ASMT: variants seen among roughly 807,000 people sequenced by gnomAD.
ASMT encodes the protein acetylserotonin O-methyltransferase.
A neutral mutation model predicts 41.3 loss-of-function variants in ASMT; 53 were observed. The ratio of observed to expected loss-of-function variants is 1.28; its 90% confidence interval spans 1.03 to 1.61. The LOEUF is 1.61. Among genes scored for constraint, ASMT ranks in the 40% most tolerant of loss-of-function variants. ASMT has a pLI of 0.00. For synonymous variants in ASMT, 231 were observed against 184.8 expected (o/e 1.25, Z -2.03); for missense variants, 531 against 441.3 (o/e 1.20, Z -1.82).
At chrX:1,620,314 G>A (rs1303046275) in intron 1 of ASMT, among the ~76,000 whole-genome samples, 1 of 150,950 alleles carries the variant, frequency 6.6e-6, no homozygotes, top group Non-Finnish European at 1.5e-5. Flanking sequence ...TGGGATTACA[G>A]GCGTGCACCA....
intron 7 of ASMT, 196 bp from the exon 8 acceptor site, chrX:1,636,242 C>A (rs1490958095): frequency 7.6e-6 from 6 of 791,102 alleles, no homozygotes; most frequent in Middle Eastern, 3.4e-4. Flanking sequence ...CAGGCGTGAG[C>A]CACCGCGCCC....
At chrX:1,631,597 T>C (rs769369999) in intron 5 of ASMT, among the ~76,000 whole-genome samples, 2 of 152,164 alleles carry the variant, frequency 1.3e-5, no homozygotes, top group South Asian at 2.1e-4. Flanking sequence ...TCCCCCTGCC[T>C]GGGGAGCAGC....
intron 7 of ASMT, among the ~76,000 whole-genome samples, chrX:1,635,547 G>C (rs1934926936): frequency 6.6e-6 from 1 of 152,056 alleles, no homozygotes; most frequent in Non-Finnish European, 1.5e-5. Context: ...TGCTTTTGCA[G>C]GGGACATCAG....
At position 1,632,778 on chromosome X, in the gene ASMT, T is replaced by G. The variant is rs1479181945; in HGVS notation, c.637T>G (p.Ser213Ala). The change falls in exon 6 of 9, where the codon TCA becomes GCA. Residue 213 changes from serine (S) to alanine (A), a missense_variant. Physicochemically the swap from Ser to Ala is moderately conservative, Grantham distance 99. Coordinates refer to ENST00000381241, the MANE Select transcript of ASMT (RefSeq NM_001171038.2). Reference protein sequence around the residue: ...QGQKTKHRVFSLIGGAGALAK... With the variant: ...QGQKTKHRVFALIGGAGALAK... ...ACAGAAAACCAAACACCGCGTGTTCTCACTCATAGGTGGGAACTGAACAAT... is the reference window on the plus strand; with the variant it reads ...ACAGAAAACCAAACACCGCGTGTTCGCACTCATAGGTGGGAACTGAACAAT... 2.7e-6 allele frequency: 1 copy of G among 375,784 alleles called. No homozygotes were observed. The highest frequency in any genetic ancestry group is 5.0e-6 in the Non-Finnish European group (1 of 199,728). The allele number at this position is 375,784 out of a possible 1,614,324, so 23.3% of individuals were successfully genotyped here. A position where few individuals can be genotyped will look rare whatever the true frequency, so the allele number is the denominator to read the frequency against.
chrX:1,629,326 G>C (rs375985006), intron 4 of ASMT, among the ~76,000 whole-genome samples: 6 of 152,066 alleles, frequency 3.9e-5, no homozygotes, highest in South Asian at 2.1e-4. Context: ...GGGAGCTGTG[G>C]GGGGGGAGGA....
At chrX:1,636,028 T>C (rs1232568186) in intron 7 of ASMT, among the ~76,000 whole-genome samples, 2 of 149,606 alleles carry the variant, frequency 1.3e-5, no homozygotes, top group Admixed American at 1.3e-4. Context: ...CAATCTCGGC[T>C]CACTGCAAGC....
rs1352993394 is a variant in ASMT, at chrX:1,629,912, G to C, written c.535G>C (p.Val179Leu). 1.9e-6 allele frequency: 3 copies of C among 1,613,864 alleles called. No homozygotes were observed. Among genetic ancestry groups the C allele is most frequent in the Admixed American group, 1.7e-5 (1 of 59,982 alleles). Residue 179 changes from valine (V) to leucine (L), a missense_variant, in exon 5 of 9, where the codon GTG becomes CTG. By Grantham distance (32) the Val-to-Leu change is conservative (BLOSUM62 1). Transcript: ENST00000381241. Reference sequence around the variant, plus strand: ...CGTGCTGACCGCCTTTGACCTGTCAGTGTTCCCACTTATGTGTGACCTTGG... The same window carrying C: ...CGTGCTGACCGCCTTTGACCTGTCACTGTTCCCACTTATGTGTGACCTTGG... ...RSVLTAFDLSVFPLMCDLGGT... is the reference protein window; with the variant it reads ...RSVLTAFDLSLFPLMCDLGGT...
At chrX:1,624,973 G>A (rs1483322870) in intron 3 of ASMT, among the ~76,000 whole-genome samples, 1 of 152,150 alleles carries the variant, frequency 6.6e-6, no homozygotes, top group Non-Finnish European at 1.5e-5. Context: ...GCTGACCCCA[G>A]GCAGATGCTG....
Position 1,627,752 on chromosome X carries a change from C to G in ASMT, c.424C>G (p.Leu142Val), listed in dbSNP as rs1441681742. Residue 142 changes from leucine to valine, a missense_variant, in exon 4 of 9, where the codon CTT becomes GTT. By Grantham distance (32) the Leu-to-Val change is conservative (BLOSUM62 1). Coordinates refer to ENST00000381241, the MANE Select transcript of ASMT (RefSeq NM_001171038.2). ...GACGTTTGGCGTTCCCGCTGAAGAG[C>G]TTTTTACGGCCATCTACAGGTAACA... ...LETFGVPAEE[L>V]FTAIYRSEGE... 1 of 1,613,928 alleles carries G rather than the reference C, an allele frequency of 6.2e-7. No individual in the cohort carries two copies. The highest frequency in any genetic ancestry group is 8.5e-7 in the Non-Finnish European group (1 of 1,179,840).
chrX:1,616,479 G>A (rs1279459170), intron 1 of ASMT, among the ~76,000 whole-genome samples: 1 of 151,334 alleles, frequency 6.6e-6, no homozygotes, highest in East Asian at 1.9e-4. Context: ...CGGAGACAGT[G>A]TCCCTTTTTG....
chrX:1,615,355 G>A (rs1486330227), intron 1 of ASMT, 87 bp downstream of exon 1: 5 of 1,258,580 alleles, frequency 4.0e-6, no homozygotes, highest in African/African-American at 1.5e-5. Flanking sequence ...GAAAAATGAT[G>A]AGTCTCCATC....
At chrX:1,627,387 C>T (rs1185153362) in intron 3 of ASMT, among the ~76,000 whole-genome samples, 3 of 151,324 alleles carry the variant, frequency 2.0e-5, no homozygotes, top group African/African-American at 4.9e-5. Context: ...TTTGGGAGGC[C>T]GAGGCGGGTG....
At chrX:1,621,645 A>G (rs1934341532) in intron 1 of ASMT, among the ~76,000 whole-genome samples, 2 of 151,680 alleles carry the variant, frequency 1.3e-5, no homozygotes, top group Admixed American at 1.3e-4. Flanking sequence ...TAGTTTGTGT[A>G]TTATTTGAAG....
intron 4 of ASMT, among the ~76,000 whole-genome samples, chrX:1,628,359 G>T (rs1243174765): frequency 1.3e-5 from 2 of 152,114 alleles, no homozygotes; most frequent in East Asian, 1.9e-4. Context: ...CCCAGTTTTT[G>T]ATTTGGTCAG....
intron 8 of ASMT, among the ~76,000 whole-genome samples, chrX:1,642,596 G>A (rs1935232246): frequency 6.6e-6 from 1 of 152,052 alleles, no homozygotes; most frequent in Non-Finnish European, 1.5e-5. Context: ...CAGCCTCTAT[G>A]TGTGTGATGG....
chrX:1,623,358 C>T, intron 2 of ASMT, 45 bp downstream of exon 2: 2 of 1,607,028 alleles, frequency 1.2e-6, no homozygotes, highest in South Asian at 2.2e-5. Context: ...CATAGACACC[C>T]TCTGCAGCCC....
rs867126594 is a variant in ASMT, at chrX:1,615,266, C to A, written c.67C>A (p.Gln23Lys). Residue 23 changes from glutamine (Q) to lysine (K), a missense_variant and splice_region_variant, in exon 1 of 9, where the codon CAG (glutamine) becomes AAG (lysine). Physicochemically the swap from Gln to Lys is moderately conservative, Grantham distance 53 (BLOSUM62 1). Transcript: ENST00000381241. ...NDYANGFMVS[Q>K]VLFAACELGV... ...CTACGCCAACGGCTTCATGGTGTCCCAGGTAGGATACGCTCTGTGGGACAA... is the reference window on the plus strand; with the variant it reads ...CTACGCCAACGGCTTCATGGTGTCCAAGGTAGGATACGCTCTGTGGGACAA... 6.3e-7 allele frequency: 1 copy of A among 1,591,408 alleles called. No individual in the cohort carries two copies. Among genetic ancestry groups the A allele is most frequent in the Non-Finnish European group, 8.6e-7 (1 of 1,168,932 alleles).
intron 1 of ASMT, among the ~76,000 whole-genome samples, chrX:1,617,329 G>C (rs1934171870): frequency 6.6e-6 from 1 of 151,434 alleles, no homozygotes; most frequent in Admixed American, 6.6e-5. Context: ...AATTAGCCAG[G>C]CATGATGGTG....
chrX:1,625,669 GGGT>G (rs1395137707), intron 3 of ASMT, among the ~76,000 whole-genome samples: 1 of 151,916 alleles, frequency 6.6e-6, no homozygotes, highest in Non-Finnish European at 1.5e-5. Flanking sequence ...AGGAGTGTCT[GGGT>G]GGCCGGACGC....
Sources: allele counts gnomAD v4.1 joint callset (sites outside exome capture counted in the v4.1 genomes callset), GRCh38; gene constraint gnomAD v4.1.1; transcripts MANE v1.5; gene names NCBI Gene and HGNC (gene_info 2026-07-23, HGNC 2026-07-21).